RIN2: variants seen among roughly 807,000 people sequenced by gnomAD.
The protein encoded by RIN2 is Ras and Rab interactor 2.
A neutral mutation model predicts 78.0 loss-of-function variants in RIN2; 36 were observed. That is an observed-to-expected ratio of 0.46 (90% CI 0.35 to 0.61). The LOEUF is 0.61. Among genes scored for constraint, RIN2 ranks in the 20% least tolerant of loss-of-function variants. RIN2 has a pLI of 0.00. For synonymous variants in RIN2, 466 were observed against 466.8 expected, an observed-to-expected ratio of 1.00 and a Z score of 0.02; for missense variants, 1,087 against 1,159.7, an observed-to-expected ratio of 0.94 and a Z score of 0.91.
At chr20:19,909,275 G>A (rs536560203) in intron 3 of RIN2, among the ~76,000 whole-genome samples, 10 of 151,916 alleles carry the variant, frequency 6.6e-5, no homozygotes, top group South Asian at 2.1e-4. Flanking sequence ...TGTCTCCTCC[G>A]TCCCATCATT....
chr20:19,920,295 CAAAAAAAAA>C (rs34086663), intron 3 of RIN2, among the ~76,000 whole-genome samples: 1 of 95,360 alleles, frequency 1.0e-5, no homozygotes, highest in East Asian at 2.5e-4. Flanking sequence ...GACTCTGTCT[CAAAAAAAAA>C]AAAAAAAAGG....
intron 2 of RIN2, among the ~76,000 whole-genome samples, chr20:19,840,297 C>A (rs1450096943): frequency 1.3e-5 from 2 of 152,192 alleles, no homozygotes; most frequent in Non-Finnish European, 2.9e-5. Context: ...CCTGGTGCCA[C>A]ACCTTGGTAA....
At chr20:19,960,980 G>A (rs2041727568) in intron 6 of RIN2, among the ~76,000 whole-genome samples, 169 bp downstream of exon 6, 1 of 152,200 alleles carries the variant, frequency 6.6e-6, no homozygotes, top group Non-Finnish European at 1.5e-5. Context: ...TCTCATCTGT[G>A]TAATGGGATG....
intron 1 of RIN2, among the ~76,000 whole-genome samples, chr20:19,773,698 T>C (rs1223620366): frequency 6.6e-6 from 1 of 151,876 alleles, no homozygotes; most frequent in Non-Finnish European, 1.5e-5. Flanking sequence ...GTACATCTCT[T>C]TGGAGGTATT....
chr20:19,796,518 ATGTT>A (rs889280449), intron 1 of RIN2, among the ~76,000 whole-genome samples: 40 of 152,166 alleles, frequency 2.6e-4, no homozygotes, highest in African/African-American at 8.9e-4. Context: ...GTTCTACAAA[ATGTT>A]TGTTTCTGTT....
intron 2 of RIN2, among the ~76,000 whole-genome samples, chr20:19,873,082 A>G (rs1600670211): frequency 6.6e-6 from 1 of 150,860 alleles, no homozygotes; most frequent in Non-Finnish European, 1.5e-5. Context: ...AATATATAAC[A>G]CACTTTTTCT....
At chr20:19,782,144 A>G (rs2034529917) in intron 1 of RIN2, among the ~76,000 whole-genome samples, 1 of 152,194 alleles carries the variant, frequency 6.6e-6, no homozygotes, top group African/African-American at 2.4e-5. Flanking sequence ...GAAATATCCA[A>G]TGGATTGACC....
intron 2 of RIN2, among the ~76,000 whole-genome samples, chr20:19,874,009 G>A (rs2037776373): frequency 6.6e-6 from 1 of 152,000 alleles, no homozygotes; most frequent in Non-Finnish European, 1.5e-5. Context: ...CTCTCATACT[G>A]TAAACAAGTG....
intron 3 of RIN2, among the ~76,000 whole-genome samples, chr20:19,893,945 G>A (rs574950120): frequency 3.2e-4 from 49 of 152,200 alleles, no homozygotes; most frequent in Admixed American, 9.2e-4. Flanking sequence ...GATGATGGGC[G>A]CCTGTATTCC....
At chr20:19,849,324 C>G (rs1000730249) in intron 2 of RIN2, among the ~76,000 whole-genome samples, 6 of 152,286 alleles carry the variant, frequency 3.9e-5, no homozygotes, top group Admixed American at 2.0e-4. Flanking sequence ...TTGCTCAGGC[C>G]TGCTCAGACA....
intron 2 of RIN2, among the ~76,000 whole-genome samples, chr20:19,813,591 G>A (rs546482919): frequency 2.8e-5 from 4 of 142,306 alleles, no homozygotes; most frequent in Non-Finnish European, 6.2e-5. Context: ...ACAAAATGAA[G>A]TAAAACACAA....
chr20:19,827,669 A>G (rs923702891), intron 2 of RIN2, among the ~76,000 whole-genome samples: 2 of 152,160 alleles, frequency 1.3e-5, no homozygotes, highest in African/African-American at 4.8e-5. Flanking sequence ...CGCCCTTATG[A>G]CCGCCAAATT....
At chr20:19,901,893 G>T (rs1271893670) in intron 3 of RIN2, among the ~76,000 whole-genome samples, 15 of 151,768 alleles carry the variant, frequency 9.9e-5, no homozygotes, top group African/African-American at 3.6e-4. Flanking sequence ...GCAGGCGCCT[G>T]TAATCTCAGC....
At chr20:19,952,885 G>A (rs2041377079) in intron 4 of RIN2, among the ~76,000 whole-genome samples, 1 of 152,174 alleles carries the variant, frequency 6.6e-6, no homozygotes, top group African/African-American at 2.4e-5. Flanking sequence ...ATTGATCTGA[G>A]TTAATATGCA....
At chr20:19,919,474 T>C (rs1425771596) in intron 3 of RIN2, among the ~76,000 whole-genome samples, 1 of 152,212 alleles carries the variant, frequency 6.6e-6, no homozygotes, top group Non-Finnish European at 1.5e-5. Flanking sequence ...TTTTTCTTGA[T>C]ACTATATAAA....
intron 1 of RIN2, among the ~76,000 whole-genome samples, chr20:19,788,147 A>G (rs2034745222): frequency 6.6e-6 from 1 of 152,032 alleles, no homozygotes; most frequent in South Asian, 2.1e-4. Flanking sequence ...TAATGCTTTC[A>G]CTCTGATGTA....
At chr20:19,910,535 GT>G (rs763679425) in intron 3 of RIN2, among the ~76,000 whole-genome samples, 1 of 134,284 alleles carries the variant, frequency 7.4e-6, no homozygotes, top group Non-Finnish European at 1.6e-5. Context: ...TGTGTATATT[GT>G]TTGAATTTTT....
Position 19,814,349 on chromosome 20 carries a change from C to T in RIN2, c.-37+14602C>T, listed in dbSNP as rs183819662. Among the ~76,000 whole-genome samples, 219 of 152,254 alleles carry T rather than the reference C, an allele frequency of 1.4e-3. 1 individual carries two copies. Among genetic ancestry groups the T allele is most frequent in the African/African-American group, 4.7e-3 (196 of 41,554 alleles). On this transcript the variant is annotated intron_variant, in intron 2 of 12. Coordinates refer to ENST00000255006, the MANE Select transcript of RIN2 (RefSeq NM_018993.4). ...TGTTTGGTAGGTGGACGTGAGGTCGCGGTGCACACTTGCCCTTTCCCCTCC... is the reference window on the plus strand; with the variant it reads ...TGTTTGGTAGGTGGACGTGAGGTCGTGGTGCACACTTGCCCTTTCCCCTCC...
At chr20:19,906,509 G>A (rs1342999933) in intron 3 of RIN2, among the ~76,000 whole-genome samples, 1 of 152,182 alleles carries the variant, frequency 6.6e-6, no homozygotes, top group African/African-American at 2.4e-5. Context: ...GATGCTTACA[G>A]GGGCCAGGAA....
Sources: gnomAD v4.1 joint callset for allele counts (sites outside exome capture counted in the v4.1 genomes callset) on GRCh38, gnomAD v4.1.1 for gene constraint, MANE v1.5 for transcripts, NCBI Gene and HGNC (gene_info 2026-07-23, HGNC 2026-07-21) for gene names.